The following FEZ2 variants were observed in gnomAD, a reference collection of about 807,000 sequenced individuals.
FEZ2 encodes fasciculation and elongation protein zeta-2.
A neutral mutation model predicts 40.4 loss-of-function variants in FEZ2; 51 were observed. The ratio of observed to expected loss-of-function variants is 1.26; its 90% confidence interval spans 1.01 to 1.59. The LOEUF is 1.59. FEZ2 is among the 40% of genes most tolerant of loss of function. The pLI is 0.00. For synonymous variants in FEZ2, 242 were observed against 172.0 expected, an observed-to-expected ratio of 1.41 and a Z score of -3.18; for missense variants, 640 against 438.3, an observed-to-expected ratio of 1.46 and a Z score of -4.11.
intron 7 of FEZ2, 42 bp from the exon 8 acceptor site, chr2:36,553,221 G>A: frequency 1.4e-6 from 2 of 1,383,866 alleles, no homozygotes; most frequent in Non-Finnish European, 2.0e-6. Flanking sequence ...TGTATATTTT[G>A]TATACATTTA....
At chr2:36,572,949 C>T (rs551341476) in intron 5 of FEZ2, among the ~76,000 whole-genome samples, 26 of 152,264 alleles carry the variant, frequency 1.7e-4, no homozygotes, top group African/African-American at 4.8e-4. Flanking sequence ...CCCTAACCCC[C>T]GAAAAGCAAT....
In FEZ2 at chr2:36,581,321, G is replaced by C. The variant is rs373271952; in HGVS notation, c.603C>G (p.Leu201=). 73 of 1,613,840 alleles carry C rather than the reference G, an allele frequency of 4.5e-5. No individual in the cohort carries two copies. The African/African-American group carries it at 8.1e-4, about 18-fold the overall frequency. Residue 201 remains leucine (L), a synonymous_variant, in exon 4 of 8, where the codon CTC becomes CTG. Transcript: ENST00000405912. ...CATAACTGCCGGTACTAGACCTCTTGAGAGTTTGAATTTCCTGGGAAAGCA... is the reference window on the plus strand; with the variant it reads ...CATAACTGCCGGTACTAGACCTCTTCAGAGTTTGAATTTCCTGGGAAAGCA... The part of the protein sequence containing the change: ...LSMLSQEIQT[L]KRSSTGSYEE...
intron 5 of FEZ2, among the ~76,000 whole-genome samples, chr2:36,560,291 A>G (rs1668058796): frequency 6.6e-6 from 1 of 152,218 alleles, no homozygotes; most frequent in African/African-American, 2.4e-5. Flanking sequence ...TGACTATGCA[A>G]TACACCTTAA....
chr2:36,576,566 C>T (rs374912442), intron 5 of FEZ2, among the ~76,000 whole-genome samples: 12 of 152,194 alleles, frequency 7.9e-5, no homozygotes, highest in South Asian at 2.1e-4. Context: ...CCACCGCGCC[C>T]GGCCGCATTT....
In FEZ2 at chr2:36,552,434, T is replaced by G; in HGVS notation, c.*729A>C. On this transcript the variant is annotated 3_prime_UTR_variant, in exon 8 of 8. Coordinates refer to ENST00000405912, the MANE Select transcript of FEZ2 (RefSeq NM_005102.3). ...GAATGGGCAGTTCTGCAGTGTACAC[T>G]TTCTCAAGCACCTCAGAGGACACAC... is the stretch of plus-strand genomic sequence containing the variant. 2.9e-6 allele frequency: 1 copy of G among 340,718 alleles called. No individual in the cohort carries two copies. Among genetic ancestry groups the G allele is most frequent in the East Asian group, 7.8e-5 (1 of 12,850 alleles). The allele number at this position is 340,718 out of a possible 1,614,324, so 21.1% of individuals were successfully genotyped here.
At position 36,552,447 on chromosome 2, in the gene FEZ2, TCA is replaced by T; in HGVS notation, c.*714_*715del. The T allele has an allele frequency of 3.2e-6, 1 of 312,476 alleles. No homozygotes were observed. Among genetic ancestry groups the T allele is most frequent in the Non-Finnish European group, 6.1e-6 (1 of 163,752 alleles). 19.4% of individuals were successfully genotyped at this position (312,476 alleles called of 1,614,324 possible). ...TGCAGTGTACACTTTCTCAAGCACC[TCA>T]GAGGACACACACTTAAAGTACAATT... On this transcript the variant is annotated 3_prime_UTR_variant, in exon 8 of 8. Coordinates refer to ENST00000405912, the MANE Select transcript of FEZ2 (RefSeq NM_005102.3).
intron 5 of FEZ2, chr2:36,561,227 G>C (rs1668085325): frequency 6.1e-6 from 1 of 164,526 alleles, no homozygotes; most frequent in Admixed American, 6.4e-5. Flanking sequence ...TTTATCAGAA[G>C]TCTGAAAACT....
intron 5 of FEZ2, among the ~76,000 whole-genome samples, chr2:36,562,996 C>A (rs1006223151): frequency 2.0e-5 from 3 of 152,158 alleles, no homozygotes; most frequent in African/African-American, 7.2e-5. Context: ...AACTAAGACA[C>A]ACTTTCTATT....
At chr2:36,591,613 A>C (rs1239955636) in intron 1 of FEZ2, 1 of 152,610 alleles carries the variant, frequency 6.6e-6, no homozygotes, top group Non-Finnish European at 1.5e-5. Context: ...GCTAAGCACT[A>C]AGGCAGATAC....
intron 5 of FEZ2, among the ~76,000 whole-genome samples, chr2:36,574,064 G>A (rs1340773242): frequency 6.6e-6 from 1 of 152,168 alleles, no homozygotes; most frequent in African/African-American, 2.4e-5. Context: ...TGGTTTAATA[G>A]TATAAATTTC....
intron 5 of FEZ2, among the ~76,000 whole-genome samples, chr2:36,567,743 T>C (rs547052305): frequency 3.5e-4 from 50 of 144,232 alleles, no homozygotes; most frequent in African/African-American, 1.2e-3. Flanking sequence ...GCCTGGGCAA[T>C]AGAGCGAGAC....
intron 4 of FEZ2, 122 bp from the exon 5 acceptor site, chr2:36,578,987 C>A (rs1427856587): frequency 2.6e-6 from 2 of 778,930 alleles, no homozygotes; most frequent in East Asian, 5.0e-5. Context: ...GAGCAAAAAT[C>A]ATATTCCAAG....
intron 2 of FEZ2, among the ~76,000 whole-genome samples, chr2:36,585,660 T>C (rs933168023): frequency 6.6e-6 from 1 of 151,976 alleles, no homozygotes; most frequent in South Asian, 2.1e-4. Flanking sequence ...AAAACCTAAG[T>C]AGAAAAAGAG....
intron 4 of FEZ2, 83 bp downstream of exon 4, chr2:36,581,207 C>T (rs848638): frequency 0.4 from 500,254 of 1,255,214 alleles, 107,899 homozygotes; most frequent in East Asian, 0.82. Flanking sequence ...AGGATGAAAT[C>T]AAAGCTTTCT....
chr2:36,555,800 A>C (rs1239341470), intron 6 of FEZ2, 52 bp from the exon 7 acceptor site: 2 of 998,916 alleles, frequency 2.0e-6, no homozygotes, highest in Non-Finnish European at 3.0e-6. Flanking sequence ...TTAGATCAAA[A>C]ATATTATTTA....
At chr2:36,589,962 G>A (rs1669017282) in intron 2 of FEZ2, 1 of 152,182 alleles carries the variant, frequency 6.6e-6, no homozygotes, top group Non-Finnish European at 1.5e-5. Flanking sequence ...TAAACAGCCA[G>A]GCCCTGAAAC....
At chr2:36,594,638 T>C in intron 1 of FEZ2, 1 of 153,150 alleles carries the variant, frequency 6.5e-6, no homozygotes, top group Non-Finnish European at 1.5e-5. Context: ...GTGGGAATTC[T>C]GGGAGATACA....
chr2:36,571,448 G>C (rs1466787318), intron 5 of FEZ2, among the ~76,000 whole-genome samples: 1 of 150,164 alleles, frequency 6.7e-6, no homozygotes, highest in Non-Finnish European at 1.5e-5. Flanking sequence ...ATCGCTTGAG[G>C]CCAGTAGTTC....
chr2:36,580,374 TA>T (rs1316424801), intron 4 of FEZ2, among the ~76,000 whole-genome samples: 1 of 152,176 alleles, frequency 6.6e-6, no homozygotes, highest in Non-Finnish European at 1.5e-5. Context: ...GGGCATGCCA[TA>T]AAGATAAAAC....
Sources: gnomAD v4.1 joint callset for allele counts (sites outside exome capture counted in the v4.1 genomes callset) on GRCh38, gnomAD v4.1.1 for gene constraint, MANE v1.5 for transcripts, NCBI Gene and HGNC (gene_info 2026-07-23, HGNC 2026-07-21) for gene names.